Variants in NPY1R observed in about 807,000 individuals in gnomAD.
NPY1R encodes neuropeptide Y receptor type 1.
In NPY1R, 10 loss-of-function variants were observed where a neutral mutation model predicts 24.1. That is an observed-to-expected ratio of 0.42 (90% confidence interval 0.26 to 0.71). The LOEUF (loss-of-function observed/expected upper bound fraction) is 0.71. NPY1R is among the 30% of genes least tolerant of loss of function. The pLI is 0.28. For synonymous variants in NPY1R, 168 were observed against 165.9 expected, an observed-to-expected ratio of 1.01 and a Z score of -0.10; for missense variants, 350 against 458.0, an observed-to-expected ratio of 0.76 and a Z score of 2.15.
rs139545051 is a variant in NPY1R, at chr4:163,338,117, A to G, written c.-152+6188T>C. 3.3e-3 allele frequency among the ~76,000 whole-genome samples: 506 copies of G among 151,926 alleles called. 1 individual carries two copies. The highest frequency in any genetic ancestry group is 0.012 in the African/African-American group (486 of 41,434). On this transcript the variant is annotated intron_variant, in intron 1 of 1. Coordinates refer to the NPY1R transcript ENST00000511901. ...ATCTCTCCCAAGATCTACTATTTCCATCTACTTCTTAGGCTTTTTTTTCCC... is the reference window on the plus strand; with the variant it reads ...ATCTCTCCCAAGATCTACTATTTCCGTCTACTTCTTAGGCTTTTTTTTCCC...
At chr4:163,340,294 T>A (rs1180449337) in intron 1 of NPY1R, among the ~76,000 whole-genome samples, 2 of 151,628 alleles carry the variant, frequency 1.3e-5, no homozygotes, top group African/African-American at 4.8e-5. Context: ...AAGGAATCCA[T>A]GCTCTCTTCT....
At chr4:163,341,331 G>T (rs1734975536) in intron 1 of NPY1R, among the ~76,000 whole-genome samples, 1 of 152,032 alleles carries the variant, frequency 6.6e-6, no homozygotes, top group South Asian at 2.1e-4. Context: ...AATTCTCAGA[G>T]AAATAAATGC....
Position 163,325,447 on chromosome 4 carries a change from A to G in NPY1R, c.1011T>C (p.Phe337=). The G allele has an allele frequency of 2.5e-6, 4 of 1,614,116 alleles. No homozygotes were observed. Among genetic ancestry groups the G allele is most frequent in the Admixed American group, 1.7e-5 (1 of 60,020 alleles). The change falls in exon 3 of 3, where the codon TTT becomes TTC. Residue 337 remains phenylalanine (F), a synonymous_variant. Transcript: ENST00000296533. ...CATCATCCCGAGACCGGAAATCACA[A>G]AAGTTGAAGAAGAACTGCAAGTCTC... ...FQRDLQFFFN[F]CDFRSRDDDY...
chr4:163,326,403 A>T lies in NPY1R; in HGVS notation c.152T>A (p.Ile51Asn). 1 of 1,614,158 alleles carries T rather than the reference A, an allele frequency of 6.2e-7. No individual in the cohort carries two copies. Among genetic ancestry groups the T allele is most frequent in the Non-Finnish European group, 8.5e-7 (1 of 1,179,952 alleles). Reference sequence around the variant, plus strand: ...CAGGTTTCCAGAGACACCAAGAATGATCACAGCTCCATAAGCAAGAGCTAA... The same window carrying T: ...CAGGTTTCCAGAGACACCAAGAATGTTCACAGCTCCATAAGCAAGAGCTAA... ...FTLALAYGAV[I>N]ILGVSGNLAL... The change falls in exon 2 of 3, where the codon ATC (isoleucine) becomes AAC (asparagine). Residue 51 changes from isoleucine (I) to asparagine (N), a missense_variant. Ile to Asn is a moderately radical substitution (Grantham distance 149, BLOSUM62 -3). Coordinates refer to ENST00000296533, the MANE Select transcript of NPY1R (RefSeq NM_000909.6).
chr4:163,326,390 G>A lies in NPY1R; in HGVS notation c.165C>T (p.Val55=), dbSNP rs1444107964. 2 of 1,613,926 alleles carry A rather than the reference G, an allele frequency of 1.2e-6. No individual in the cohort carries two copies. Among genetic ancestry groups the A allele is most frequent in the Admixed American group, 3.3e-5 (2 of 59,996 alleles). The change falls in exon 2 of 3, where the codon GTC becomes GTT. Residue 55 remains valine, a synonymous_variant. Coordinates refer to ENST00000296533, the MANE Select transcript of NPY1R (RefSeq NM_000909.6). ...TTATGATCAAGGCCAGGTTTCCAGA[G>A]ACACCAAGAATGATCACAGCTCCAT... ...LAYGAVIILG[V]SGNLALIIII...
At chr4:163,327,437 T>G (rs1378225230) in intron 1 of NPY1R, among the ~76,000 whole-genome samples, 1 of 152,166 alleles carries the variant, frequency 6.6e-6, no homozygotes, top group Non-Finnish European at 1.5e-5. Context: ...GTGCACATTA[T>G]TTTTTTAATC....
upstream of NPY1R, among the ~76,000 whole-genome samples, chr4:163,335,026 T>C (rs1308821581): frequency 6.6e-6 from 1 of 152,180 alleles, no homozygotes; most frequent in Non-Finnish European, 1.5e-5. Context: ...TTATAGAAGA[T>C]TTAAAATATG....
At chr4:163,334,381 T>G (rs1290700692), upstream of NPY1R, among the ~76,000 whole-genome samples, 1 of 152,204 alleles carries the variant, frequency 6.6e-6, no homozygotes, top group African/African-American at 2.4e-5. Context: ...TCTGCCAGAG[T>G]TCTGAACTAT....
At chr4:163,330,336 T>G (rs1051774139) in intron 1 of NPY1R, among the ~76,000 whole-genome samples, 1 of 152,224 alleles carries the variant, frequency 6.6e-6, no homozygotes, top group Non-Finnish European at 1.5e-5. Context: ...TTTTTCTTAC[T>G]AGGTAGAAGT....
rs148479836 is a variant in NPY1R, at chr4:163,326,118, C to T, written c.437G>A (p.Arg146Gln). The part of the protein sequence containing the change: ...VERHQLIINP[R>Q]GWRPNNRHAY... ...ATGTCTATTATTTGGTCTCCACCCT[C>T]GAGGGTTGATTATCAGCTGATGTCG... The change falls in exon 2 of 3, where the codon CGA becomes CAA. Residue 146 changes from arginine (R) to glutamine (Q), a missense_variant. Transcript: ENST00000296533. 18 of 1,613,964 alleles carry T rather than the reference C, an allele frequency of 1.1e-5. No individual in the cohort carries two copies. The East Asian group carries it at 2.9e-4, about 26-fold the overall frequency.
At chr4:163,344,647 C>A (rs1001010596) in exon 1 of NPY1R, 7 of 152,228 alleles carry the variant, frequency 4.6e-5, no homozygotes, top group Admixed American at 4.6e-4. Context: ...CAAATGCGAG[C>A]AATAACAAAC....
At chr4:163,341,113 T>A (rs927680630) in intron 1 of NPY1R, among the ~76,000 whole-genome samples, 1 of 151,726 alleles carries the variant, frequency 6.6e-6, no homozygotes, top group African/African-American at 2.4e-5. Context: ...CAAAAAAAAA[T>A]CATGTATTTC....
upstream of NPY1R, among the ~76,000 whole-genome samples, chr4:163,337,968 G>T (rs6852829): frequency 0.85 from 129,671 of 152,184 alleles, 55,919 homozygotes; most frequent in East Asian, 0.99. Flanking sequence ...ATTCAGACTT[G>T]CTTGTATTTG....
chr4:163,339,234 A>G (rs925200106), intron 1 of NPY1R, among the ~76,000 whole-genome samples: 3 of 152,136 alleles, frequency 2.0e-5, no homozygotes, highest in African/African-American at 4.8e-5. Flanking sequence ...CCTTCATGCT[A>G]TTACAACACT....
upstream of NPY1R, among the ~76,000 whole-genome samples, chr4:163,334,726 G>T (rs1734798524): frequency 6.6e-6 from 1 of 151,980 alleles, no homozygotes. Flanking sequence ...CAGGTGTGGT[G>T]GTGCGCATCT....
chr4:163,332,604 C>G (rs562627123), upstream of NPY1R: 3 of 152,360 alleles, frequency 2.0e-5, no homozygotes, highest in Admixed American at 2.0e-4. Context: ...ATTGATGAAG[C>G]TAGGAAGAGA....
intron 1 of NPY1R, among the ~76,000 whole-genome samples, chr4:163,338,900 C>T (rs1213398419): frequency 6.6e-6 from 1 of 152,096 alleles, no homozygotes; most frequent in East Asian, 1.9e-4. Context: ...CCATGTATTC[C>T]CGTCTCTCAC....
chr4:163,342,634 T>C (rs1488088442), intron 1 of NPY1R, among the ~76,000 whole-genome samples: 1 of 152,186 alleles, frequency 6.6e-6, no homozygotes, highest in African/African-American at 2.4e-5. Context: ...TGGATGACTC[T>C]TTGACTGATG....
At chr4:163,342,901 G>T (rs770682716) in intron 1 of NPY1R, among the ~76,000 whole-genome samples, 1 of 151,654 alleles carries the variant, frequency 6.6e-6, no homozygotes, top group Non-Finnish European at 1.5e-5. Context: ...TCATGGTAAA[G>T]CTATGTCCAA....
Sources: allele counts gnomAD v4.1 joint callset (sites outside exome capture counted in the v4.1 genomes callset), GRCh38; gene constraint gnomAD v4.1.1; transcripts MANE v1.5; gene names NCBI Gene and HGNC (gene_info 2026-07-23, HGNC 2026-07-21).